The following SNED1 variants were observed in gnomAD, a reference collection of about 807,000 sequenced individuals.
SNED1 encodes the protein sushi, nidogen and EGF-like domain-containing protein 1.
A neutral mutation model predicts 166.7 loss-of-function variants in SNED1; 81 were observed. The ratio of observed to expected loss-of-function variants is 0.49; its 90% CI spans 0.41 to 0.58. The LOEUF is 0.58. SNED1 is among the 20% of genes least tolerant of loss of function. The pLI, the probability that SNED1 is intolerant of heterozygous loss-of-function variation, is 0.00. For missense variants in SNED1, 1,604 were observed against 2,000.2 expected, an observed-to-expected ratio of 0.80 and a Z score of 3.78; for synonymous variants, 762 against 822.0, an observed-to-expected ratio of 0.93 and a Z score of 1.25.
intron 1 of SNED1, among the ~76,000 whole-genome samples, chr2:241,011,202 AGGTCTCCTG>A (rs562943405): frequency 0.011 from 1,444 of 132,756 alleles, 26 homozygotes; most frequent in Middle Eastern, 0.036. Context: ...TGGGGGTGGC[AGGTCTCCTG>A]GGTCTCCTGG....
intron 1 of SNED1, among the ~76,000 whole-genome samples, chr2:241,025,433 G>A (rs974395422): frequency 3.9e-5 from 6 of 152,196 alleles, no homozygotes; most frequent in South Asian, 2.1e-4. Flanking sequence ...TCATTTATAC[G>A]TTTACTCTCC....
chr2:240,998,615 G>A (rs1319893175), upstream of SNED1, among the ~76,000 whole-genome samples: 4 of 151,872 alleles, frequency 2.6e-5, no homozygotes, highest in Non-Finnish European at 4.4e-5. Context: ...CAGGGGCGGG[G>A]CTGGCCCCGA....
chr2:241,076,924 A>C (rs2063050027), intron 27 of SNED1, among the ~76,000 whole-genome samples: 1 of 152,136 alleles, frequency 6.6e-6, no homozygotes, highest in Non-Finnish European at 1.5e-5. Context: ...CTAAAAATAC[A>C]AAAAATTAGC....
At chr2:241,007,782 A>G (rs867812439) in intron 1 of SNED1, among the ~76,000 whole-genome samples, 1 of 152,192 alleles carries the variant, frequency 6.6e-6, no homozygotes, top group South Asian at 2.1e-4. Context: ...ATGCTTTTTC[A>G]TGACAATACA....
intron 1 of SNED1, chr2:241,015,958 A>G (rs2060570518): frequency 6.6e-6 from 1 of 151,140 alleles, no homozygotes; most frequent in Non-Finnish European, 1.5e-5. Flanking sequence ...ATGGACGTTG[A>G]CTTTTATTCC....
In SNED1 at chr2:241,030,510, C is replaced by A. The variant is rs575768806; in HGVS notation, c.440C>A (p.Thr147Asn). 6.8e-6 allele frequency: 11 copies of A among 1,613,944 alleles called. No individual in the cohort carries two copies. The highest frequency in any genetic ancestry group is 9.3e-6 in the Non-Finnish European group (11 of 1,179,900). The change falls in exon 2 of 32, where the codon ACC (threonine) becomes AAC (asparagine). Residue 147 changes from threonine (T) to asparagine (N), a missense_variant. Thr to Asn is a moderately conservative substitution (Grantham distance 65, BLOSUM62 0). This residue lies in a region of SNED1 where 1,237 missense variants were observed against 1,620.8 expected (regional missense o/e 0.76). Coordinates refer to ENST00000310397, the MANE Select transcript of SNED1 (RefSeq NM_001080437.3). ...CCCGAGCTCCTGGACTTCAATGCCA[C>A]CTGGGTTTTTGTTGCCACCTGGTAC... is the stretch of plus-strand genomic sequence containing the variant. The part of the protein sequence containing the change: ...YFPELLDFNA[T>N]WVFVATWYRV...
chr2:241,080,381 C>G (rs1403226596), intron 27 of SNED1, among the ~76,000 whole-genome samples: 1 of 152,066 alleles, frequency 6.6e-6, no homozygotes, highest in Non-Finnish European at 1.5e-5. Flanking sequence ...TTAAAGAAGC[C>G]TAATTTTCTA....
chr2:241,011,906 C>G (rs1385269011), intron 1 of SNED1, among the ~76,000 whole-genome samples: 1 of 152,202 alleles, frequency 6.6e-6, no homozygotes, highest in Non-Finnish European at 1.5e-5. Context: ...TGGCAGGGGA[C>G]AGGGCCGGCT....
rs1279162341 is a variant in SNED1, at chr2:241,013,204, C to CTGAA, written c.213+14155_213+14158dup. Among the ~76,000 whole-genome samples the CTGAA allele has an allele frequency of 1.3e-5, 2 of 152,246 alleles. No individual in the cohort carries two copies. The highest frequency in any genetic ancestry group is 2.9e-5 in the Non-Finnish European group (2 of 68,046). ...CCCAGAACTTACTCATCCTGTCTGA[C>CTGAA]TGAAGGTTTGCACCCTCCAATCAAC... On this transcript the variant is annotated intron_variant, in intron 1 of 31. Coordinates refer to ENST00000310397, the MANE Select transcript of SNED1 (RefSeq NM_001080437.3). This position sits in a 1 kb window ranked among gnomAD's most constrained non-coding sequence, Gnocchi z 4.6.
chr2:241,054,217 A>G (rs1275573449), intron 16 of SNED1, among the ~76,000 whole-genome samples: 1 of 152,180 alleles, frequency 6.6e-6, no homozygotes, highest in Non-Finnish European at 1.5e-5. Context: ...CCAGAAGATG[A>G]GAAGCCGATA....
At chr2:241,020,597 G>A (rs750222236) in intron 1 of SNED1, among the ~76,000 whole-genome samples, 5 of 152,198 alleles carry the variant, frequency 3.3e-5, no homozygotes, top group Admixed American at 1.3e-4. Flanking sequence ...CCTGTTGGGC[G>A]CTGCCCTTAT....
chr2:241,078,929 C>T (rs1280764551), intron 27 of SNED1, among the ~76,000 whole-genome samples: 2 of 150,580 alleles, frequency 1.3e-5, no homozygotes, highest in Non-Finnish European at 2.9e-5. Flanking sequence ...GCCTGGCCAA[C>T]ATAGGGAAAC....
chr2:241,002,302 G>T (rs1038443761), intron 1 of SNED1, among the ~76,000 whole-genome samples: 3 of 152,140 alleles, frequency 2.0e-5, no homozygotes, highest in African/African-American at 7.2e-5. Context: ...GTGGATCTGG[G>T]AGCAGACATG....
intron 1 of SNED1, among the ~76,000 whole-genome samples, chr2:241,027,488 G>A (rs1421377475): frequency 6.6e-6 from 1 of 152,186 alleles, no homozygotes; most frequent in Non-Finnish European, 1.5e-5. Flanking sequence ...CCAGCTGTTA[G>A]CTATTGTGAA....
chr2:241,043,380 C>A (rs1023335537), intron 8 of SNED1, among the ~76,000 whole-genome samples: 1 of 152,150 alleles, frequency 6.6e-6, no homozygotes, highest in Non-Finnish European at 1.5e-5. Flanking sequence ...AAAGAAAAAA[C>A]CATCAACCTA....
chr2:241,067,861 T>C lies in SNED1; in HGVS notation c.3108T>C (p.Ser1036=). The C allele has an allele frequency of 1.2e-6, 2 of 1,613,388 alleles. No homozygotes were observed. Among genetic ancestry groups the C allele is most frequent in the Non-Finnish European group, 1.7e-6 (2 of 1,179,814 alleles). ...ACAGGATCCGCCATGCCACCGTCAG[T>C]GGGGTCCGTGTGTCCATCCGCCACC... ...ALHRIRHATV[S]GVRVSIRHPE... is the part of the protein sequence containing the mutation. The change falls in exon 22 of 32, where the codon AGT becomes AGC. Residue 1036 remains serine (S), a synonymous_variant. Coordinates refer to ENST00000310397, the MANE Select transcript of SNED1 (RefSeq NM_001080437.3).
chr2:241,083,100 G>T (rs1559311484), intron 29 of SNED1, among the ~76,000 whole-genome samples: 6 of 152,228 alleles, frequency 3.9e-5, no homozygotes, highest in Admixed American at 3.9e-4. Flanking sequence ...GGTGTGGCAG[G>T]TGGTGAGTGC....
chr2:241,009,836 C>T (rs2060332816), intron 1 of SNED1, among the ~76,000 whole-genome samples: 1 of 143,948 alleles, frequency 6.9e-6, no homozygotes, highest in African/African-American at 3.0e-5. Flanking sequence ...GTGTGTTTCC[C>T]CGGAGGCCTA....
chr2:241,087,831 C>T, intron 30 of SNED1: 3 of 583,178 alleles, frequency 5.1e-6, no homozygotes, highest in Non-Finnish European at 7.8e-6. Context: ...TATTCACTCA[C>T]ACCCAGGTTC....
Sources: allele counts gnomAD v4.1 joint callset (sites outside exome capture counted in the v4.1 genomes callset), GRCh38; gene constraint gnomAD v4.1.1; regional missense constraint gnomAD v4.1.1; non-coding constraint Gnocchi (gnomAD v3.1); transcripts MANE v1.5; gene names NCBI Gene and HGNC (gene_info 2026-07-23, HGNC 2026-07-21).